Variants in ITPKA observed in about 807,000 individuals in gnomAD.
ITPKA encodes the protein inositol-trisphosphate 3-kinase A, also known as IP3 3-kinase A.
ITPKA carries 16 observed loss-of-function variants against 40.7 expected under a neutral mutation model. The ratio of observed to expected loss-of-function variants is 0.39; its 90% confidence interval spans 0.27 to 0.60. The LOEUF is 0.60. Ranked by LOEUF, ITPKA falls within the 20% of genes least tolerant of loss-of-function variation. The pLI is 0.50. For missense variants in ITPKA, 540 were observed against 649.3 expected (o/e 0.83, Z 1.83); for synonymous variants, 313 against 289.9 (o/e 1.08, Z -0.81).
In ITPKA at chr15:41,502,098, A is replaced by G. The variant is rs1166305288; in HGVS notation, c.905A>G (p.Glu302Gly). The change falls in exon 4 of 7, where the codon GAG becomes GGG. Residue 302 changes from glutamate to glycine, a missense_variant. Physicochemically the swap from Glu to Gly is moderately conservative, Grantham distance 98. Coordinates refer to ENST00000260386, the MANE Select transcript of ITPKA (RefSeq NM_002220.3). ...MLAVDPEAPTEEEHAQRAVTK... is the reference protein window; with the variant it reads ...MLAVDPEAPTGEEHAQRAVTK... ...GCGGTGGATCCTGAAGCTCCCACGGAGGAGGAGCACGCGCAGCGCGCCGTC... is the reference window on the plus strand; with the variant it reads ...GCGGTGGATCCTGAAGCTCCCACGGGGGAGGAGCACGCGCAGCGCGCCGTC... 1 of 1,612,426 alleles carries G rather than the reference A, an allele frequency of 6.2e-7. No homozygotes were observed. The highest frequency in any genetic ancestry group is 8.5e-7 in the Non-Finnish European group (1 of 1,179,758).
In ITPKA at chr15:41,503,111, A is replaced by T; in HGVS notation, c.1331A>T (p.Tyr444Phe). Residue 444 changes from tyrosine to phenylalanine, a missense_variant, in exon 7 of 7, where the codon TAT (tyrosine) becomes TTT (phenylalanine). Coordinates refer to ENST00000260386, the MANE Select transcript of ITPKA (RefSeq NM_002220.3). Reference protein sequence around the residue: ...PWEEGNREDGYLLGLDNLIGI... With the variant: ...PWEEGNREDGFLLGLDNLIGI... Reference sequence around the variant, plus strand: ...GAGGAGGGCAACCGCGAGGACGGCTATTTGCTGGGGCTGGACAATCTCATT... The same window carrying T: ...GAGGAGGGCAACCGCGAGGACGGCTTTTTGCTGGGGCTGGACAATCTCATT... 1 of 1,604,254 alleles carries T rather than the reference A, an allele frequency of 6.2e-7. No individual in the cohort carries two copies.
chr15:41,497,253 G>A (rs1313461977), intron 1 of ITPKA, among the ~76,000 whole-genome samples: 1 of 152,186 alleles, frequency 6.6e-6, no homozygotes, highest in East Asian at 1.9e-4. Context: ...CTCTGGCTGT[G>A]TGTTAGTCTC....
intron 1 of ITPKA, among the ~76,000 whole-genome samples, chr15:41,497,148 G>A (rs56282195): frequency 0.035 from 5,321 of 152,262 alleles, 230 homozygotes; most frequent in African/African-American, 0.1. Flanking sequence ...TTCAGCCCTA[G>A]GAGTGAGGAA....
rs182724562 is a variant in ITPKA at position 41,494,803 on chromosome 15, C to A, written c.489+387C>A. On this transcript the variant is annotated intron_variant, in intron 1 of 6. Transcript: ENST00000260386. This position sits in a 1 kb window ranked among gnomAD's most constrained non-coding sequence, Gnocchi z 7.8. Reference sequence around the variant, plus strand: ...GAGAGGCGAAGGAGAGTTTCCCTTACCCCCCGCCCCCTCTCCGGTGCCGCG... The same window carrying A: ...GAGAGGCGAAGGAGAGTTTCCCTTAACCCCCGCCCCCTCTCCGGTGCCGCG... Among the ~76,000 whole-genome samples the A allele has an allele frequency of 0.01, 1,531 of 152,262 alleles. 11 individuals carry two copies. Among genetic ancestry groups the A allele is most frequent in the Non-Finnish European group, 0.014 (955 of 67,988 alleles).
chr15:41,503,386 GAAGGGGAGGGGGCA>G lies in ITPKA; in HGVS notation c.*226_*239del, dbSNP rs1467369780. On this transcript the variant is annotated 3_prime_UTR_variant, in exon 7 of 7. Coordinates refer to ENST00000260386, the MANE Select transcript of ITPKA (RefSeq NM_002220.3). Reference sequence around the variant, plus strand: ...CAGAGCCAAATGACACTAACTTATAGAAGGGGAGGGGGCAAAGGGCTTCTTCCTCAGGCCAGCTC... The same window carrying G: ...CAGAGCCAAATGACACTAACTTATAGAAGGGCTTCTTCCTCAGGCCAGCTC... 5.0e-6 allele frequency: 3 copies of G among 594,112 alleles called. No homozygotes were observed. Among genetic ancestry groups the G allele is most frequent in the Admixed American group, 5.8e-5 (2 of 34,610 alleles). 36.8% of individuals were successfully genotyped at this position (594,112 alleles called of 1,614,324 possible). A position where few individuals can be genotyped will look rare whatever the true frequency, so the allele number is the denominator to read the frequency against.
In ITPKA at chr15:41,502,439, C is replaced by T. The variant is rs1323392557; in HGVS notation, c.1046C>T (p.Thr349Met). Residue 349 changes from threonine to methionine, a missense_variant, in exon 5 of 7, where the codon ACG (threonine) becomes ATG (methionine). Coordinates refer to ENST00000260386, the MANE Select transcript of ITPKA (RefSeq NM_002220.3). ...DGSCSTDFKT[T>M]RSREQVLRVF... ...TCCTGCAGCACCGACTTCAAGACTA[C>T]GCGAAGCCGAGAGCAGGTGCTTCGC... 1.9e-6 allele frequency: 3 copies of T among 1,604,344 alleles called. No homozygotes were observed. Among genetic ancestry groups the T allele is most frequent in the East Asian group, 2.2e-5 (1 of 44,540 alleles).
intron 3 of ITPKA, 53 bp downstream of exon 3, chr15:41,501,904 G>A: frequency 1.3e-6 from 2 of 1,592,806 alleles, no homozygotes; most frequent in East Asian, 2.3e-5. Context: ...GTCCGGGGCC[G>A]GGACAGCTGC....
Position 41,503,121 on chromosome 15 carries a change from G to A in ITPKA, c.1341G>A (p.Gly447=), listed in dbSNP as rs777647782. 6.2e-7 allele frequency: 1 copy of A among 1,600,430 alleles called. No homozygotes were observed. Among genetic ancestry groups the A allele is most frequent in the South Asian group, 1.1e-5 (1 of 90,674 alleles). Residue 447 remains glycine, a synonymous_variant, in exon 7 of 7, where the codon GGG becomes GGA. Transcript: ENST00000260386. ...ACCGCGAGGACGGCTATTTGCTGGGGCTGGACAATCTCATTGGCATCCTGG... is the reference window on the plus strand; with the variant it reads ...ACCGCGAGGACGGCTATTTGCTGGGACTGGACAATCTCATTGGCATCCTGG... ...EGNREDGYLL[G]LDNLIGILAS... is the part of the protein sequence containing the mutation.
rs1007911986 is a variant in ITPKA at position 41,498,611 on chromosome 15, A to G, written c.490-2852A>G. Among the ~76,000 whole-genome samples the G allele has an allele frequency of 1.2e-4, 19 of 152,276 alleles. 1 individual carries two copies. Among genetic ancestry groups the G allele is most frequent in the Admixed American group, 1.0e-3 (16 of 15,298 alleles). ...CCCAAGGCAAGTTTCCTCTTCACTA[A>G]GTCCATTCTGGTCCCACTATCCCCT... On this transcript the variant is annotated intron_variant, in intron 1 of 6. Coordinates refer to ENST00000260386, the MANE Select transcript of ITPKA (RefSeq NM_002220.3).
intron 1 of ITPKA, among the ~76,000 whole-genome samples, chr15:41,495,123 G>T (rs2051061832): frequency 6.6e-6 from 1 of 152,228 alleles, no homozygotes; most frequent in Non-Finnish European, 1.5e-5. Flanking sequence ...CTGATAGCCT[G>T]GGTGTTCTGG....
Position 41,494,831 on chromosome 15 carries a change from C to A in ITPKA, c.489+415C>A, listed in dbSNP as rs2051059494. Among the ~76,000 whole-genome samples the A allele has an allele frequency of 6.6e-6, 1 of 152,180 alleles. No individual in the cohort carries two copies. ...CCCGCCCCCTCTCCGGTGCCGCGGC[C>A]GCACCCCCGCCGTTGCCACGGTTTC... On this transcript the variant is annotated intron_variant, in intron 1 of 6. Transcript: ENST00000260386. The surrounding 1 kb of genome is among the most constrained non-coding windows in gnomAD (Gnocchi z 7.8).
intron 1 of ITPKA, among the ~76,000 whole-genome samples, chr15:41,498,717 C>G (rs193234812): frequency 6.6e-6 from 1 of 152,326 alleles, no homozygotes; most frequent in Admixed American, 6.5e-5. Flanking sequence ...TAGAGAAGGG[C>G]CCCCAGGCAG....
At chr15:41,499,339 G>T (rs1451003082) in intron 1 of ITPKA, among the ~76,000 whole-genome samples, 6 of 152,206 alleles carry the variant, frequency 3.9e-5, no homozygotes, top group Non-Finnish European at 8.8e-5. Flanking sequence ...TAGGAAAGTG[G>T]GAGCAATGCT....
rs1186094921 is a variant in ITPKA, at chr15:41,494,642, G to A, written c.489+226G>A. ...CGGGTCGTGGCGCTGGCCCTGGGGC[G>A]TCTAAGAAGCGGGGCGAGGAGCAGG... On this transcript the variant is annotated intron_variant, in intron 1 of 6. Transcript: ENST00000260386. The surrounding 1 kb of genome is among the most constrained non-coding windows in gnomAD (Gnocchi z 7.8). Among the ~76,000 whole-genome samples, 1 of 152,138 alleles carries A rather than the reference G, an allele frequency of 6.6e-6. No homozygotes were observed. Among genetic ancestry groups the A allele is most frequent in the Non-Finnish European group, 1.5e-5 (1 of 68,002 alleles).
intron 1 of ITPKA, 104 bp from the exon 2 acceptor site, chr15:41,501,359 T>G: frequency 6.6e-7 from 1 of 1,507,646 alleles, no homozygotes; most frequent in South Asian, 1.3e-5. Context: ...CAGCCCCAGC[T>G]GCTTCCGGTG....
chr15:41,495,591 G>A (rs2051065157), intron 1 of ITPKA, among the ~76,000 whole-genome samples: 1 of 152,176 alleles, frequency 6.6e-6, no homozygotes, highest in Admixed American at 6.5e-5. Flanking sequence ...GCGCCGGCTC[G>A]GTCACTAGCC....
intron 1 of ITPKA, 119 bp from the exon 2 acceptor site, chr15:41,501,342 ACT>A: frequency 6.7e-7 from 1 of 1,483,466 alleles, no homozygotes. Flanking sequence ...TGAATTAATG[ACT>A]CATCCAGCCC....
At position 41,502,838 on chromosome 15, in the gene ITPKA, C is replaced by T; in HGVS notation, c.1161C>T (p.Ser387=). 2 of 1,612,926 alleles carry T rather than the reference C, an allele frequency of 1.2e-6. No individual in the cohort carries two copies. Among genetic ancestry groups the T allele is most frequent in the Non-Finnish European group, 8.5e-7 (1 of 1,179,600 alleles). The change falls in exon 6 of 7, where the codon TCC becomes TCT. Residue 387 remains serine (S), a synonymous_variant. Coordinates refer to ENST00000260386, the MANE Select transcript of ITPKA (RefSeq NM_002220.3). ...AGATCCGGGACACCCTGGAGGTATC[C>T]GAGTTCTTCAGGAGGCACGAGGTAA... The part of the protein sequence containing the change: ...LQQIRDTLEV[S]EFFRRHEVIG...
chr15:41,494,452 G>A lies in ITPKA; in HGVS notation c.489+36G>A. On this transcript the variant is annotated intron_variant, in intron 1 of 6. Coordinates refer to ENST00000260386, the MANE Select transcript of ITPKA (RefSeq NM_002220.3). This position sits in a 1 kb window ranked among gnomAD's most constrained non-coding sequence, Gnocchi z 7.8. ...CGGGGGCGGGGCCAGCGCCGGGCGCGGGGGCTGCACGGGGGACCTGGCTGG... is the reference window on the plus strand; with the variant it reads ...CGGGGGCGGGGCCAGCGCCGGGCGCAGGGGCTGCACGGGGGACCTGGCTGG... 2 of 1,357,768 alleles carry A rather than the reference G, an allele frequency of 1.5e-6. No individual in the cohort carries two copies. Among genetic ancestry groups the A allele is most frequent in the South Asian group, 1.6e-5 (1 of 62,748 alleles). 84.1% of individuals were successfully genotyped at this position (1,357,768 alleles called of 1,614,324 possible). A position where few individuals can be genotyped will look rare whatever the true frequency, so the allele number is the denominator to read the frequency against.
Sources: allele counts gnomAD v4.1 joint callset (sites outside exome capture counted in the v4.1 genomes callset), GRCh38; gene constraint gnomAD v4.1.1; non-coding constraint Gnocchi (gnomAD v3.1); transcripts MANE v1.5; gene names NCBI Gene and HGNC (gene_info 2026-07-23, HGNC 2026-07-21).